The following ABI1 variants were observed in gnomAD, a reference collection of about 807,000 sequenced individuals.
The protein encoded by ABI1 is Abelson interactor 1.
ABI1 carries 14 observed loss-of-function variants against 54.6 expected under a neutral mutation model. The observed-to-expected ratio is 0.26, with a 90% CI of 0.17 to 0.40. The LOEUF (loss-of-function observed/expected upper bound fraction) is 0.40, where lower values mean the gene tolerates loss of function less well. Among genes scored for constraint, ABI1 ranks in the 10% least tolerant of loss-of-function variants. The probability of loss-of-function intolerance (pLI) is 1.00; values close to 1 mark genes in which losing one functional copy is unlikely to be tolerated. For missense variants in ABI1, 443 were observed against 598.3 expected, an observed-to-expected ratio of 0.74 and a Z score of 2.71; for synonymous variants, 194 against 209.3, an observed-to-expected ratio of 0.93 and a Z score of 0.63.
intron 2 of ABI1, among the ~76,000 whole-genome samples, chr10:26,810,982 C>G (rs2047193863): frequency 6.6e-6 from 1 of 151,936 alleles, no homozygotes; most frequent in African/African-American, 2.4e-5. Context: ...GGAAGAAAAC[C>G]TAATGCTATC....
At chr10:26,782,854 C>CA (rs1394986247) in intron 2 of ABI1, among the ~76,000 whole-genome samples, 6 of 152,138 alleles carry the variant, frequency 3.9e-5, no homozygotes, top group African/African-American at 1.2e-4. Context: ...TGGTTACTAT[C>CA]AAAAAAATCA....
intron 1 of ABI1, among the ~76,000 whole-genome samples, chr10:26,847,078 CACATAAT>C (rs1177812456): frequency 6.6e-6 from 1 of 152,148 alleles, no homozygotes; most frequent in African/African-American, 2.4e-5. Context: ...AACAGTCTGA[CACATAAT>C]ACGTGTAAAA....
intron 3 of ABI1, among the ~76,000 whole-genome samples, chr10:26,772,332 G>A (rs1840792474): frequency 6.6e-6 from 1 of 151,826 alleles, no homozygotes; most frequent in Non-Finnish European, 1.5e-5. Flanking sequence ...TACATGTATA[G>A]TATATACTTA....
intron 2 of ABI1, among the ~76,000 whole-genome samples, chr10:26,790,092 T>C (rs1053793227): frequency 6.6e-6 from 1 of 152,228 alleles, no homozygotes; most frequent in East Asian, 1.9e-4. Flanking sequence ...ACAGTGAACA[T>C]ACATGTGCAT....
intron 3 of ABI1, among the ~76,000 whole-genome samples, chr10:26,774,554 T>C (rs928246597): frequency 6.6e-6 from 1 of 152,178 alleles, no homozygotes; most frequent in Non-Finnish European, 1.5e-5. Context: ...TATCTTATTA[T>C]TATTCCCAAA....
intron 1 of ABI1, among the ~76,000 whole-genome samples, chr10:26,835,115 A>C (rs939709744): frequency 3.3e-5 from 5 of 149,374 alleles, no homozygotes; most frequent in South Asian, 2.1e-4. Context: ...AAAAAAAAAA[A>C]CCCACAATGC....
At chr10:26,818,626 C>G (rs1027758122) in intron 2 of ABI1, among the ~76,000 whole-genome samples, 1 of 78,824 alleles carries the variant, frequency 1.3e-5, no homozygotes, top group African/African-American at 8.1e-5. Context: ...AGCGAGACCC[C>G]GTCACAAAAA....
Position 26,747,365 on chromosome 10 carries a change from A to C in ABI1, c.*1205T>G, listed in dbSNP as rs1035061281. 7 of 224,782 alleles carry C rather than the reference A, an allele frequency of 3.1e-5. No individual in the cohort carries two copies. The highest frequency in any genetic ancestry group is 6.2e-5 in the Non-Finnish European group (7 of 112,746). The allele number at this position is 224,782 out of a possible 1,614,324, so 13.9% of individuals were successfully genotyped here. A position where few individuals can be genotyped will look rare whatever the true frequency, so the allele number is the denominator to read the frequency against. ...TTTTGATTATGTCAAAAGACAATCC[A>C]AGTCTGTTGGTTAGGTAAATCTCTG... On this transcript the variant is annotated 3_prime_UTR_variant, in exon 11 of 11. Transcript: ENST00000376140.
intron 2 of ABI1, among the ~76,000 whole-genome samples, chr10:26,805,018 G>A (rs1355048657): frequency 1.3e-5 from 2 of 152,214 alleles, no homozygotes; most frequent in Non-Finnish European, 2.9e-5. Context: ...GCTGATTAGT[G>A]AAGACCTCAG....
chr10:26,777,002 T>A, intron 3 of ABI1, 63 bp downstream of exon 3: 2 of 1,355,094 alleles, frequency 1.5e-6, no homozygotes, highest in Non-Finnish European at 2.0e-6. Flanking sequence ...ATGACAATAT[T>A]TCCTATCCAA....
chr10:26,803,804 C>G (rs1181678548), intron 2 of ABI1, among the ~76,000 whole-genome samples: 1 of 152,116 alleles, frequency 6.6e-6, no homozygotes, highest in Admixed American at 6.6e-5. Flanking sequence ...CAACTCCTTG[C>G]CAGGCCCTAT....
chr10:26,821,248 A>AC (rs1413861729), intron 2 of ABI1, among the ~76,000 whole-genome samples: 1 of 151,154 alleles, frequency 6.6e-6, no homozygotes, highest in African/African-American at 2.4e-5. Flanking sequence ...CCATCTAAAA[A>AC]AAAAAAAAAA....
At chr10:26,830,622 T>C (rs770538780) in intron 1 of ABI1, among the ~76,000 whole-genome samples, 1 of 134,822 alleles carries the variant, frequency 7.4e-6, no homozygotes, top group South Asian at 2.4e-4. Flanking sequence ...CCCTGTCTCC[T>C]TTAAAAAAAA....
rs146498594 is a variant in ABI1, at chr10:26,786,453, C to G, written c.286-9212G>C. On this transcript the variant is annotated intron_variant, in intron 2 of 10. Transcript: ENST00000376140. ...TGGTCTCAAACTCCTGACTTGACTT[C>G]AAGTGATTTGCCCGCCTCGGCCTCC... Among the ~76,000 whole-genome samples, 898 of 152,162 alleles carry G rather than the reference C, an allele frequency of 5.9e-3. 11 individuals are homozygous for G. The highest frequency in any genetic ancestry group is 0.014 in the African/African-American group (597 of 41,514).
At chr10:26,816,503 A>G (rs1284506484) in intron 2 of ABI1, among the ~76,000 whole-genome samples, 1 of 152,252 alleles carries the variant, frequency 6.6e-6, no homozygotes, top group Non-Finnish European at 1.5e-5. Context: ...CAAAGGATAA[A>G]ATGTTGAGAG....
chr10:26,788,664 G>A (rs966465983), intron 2 of ABI1, among the ~76,000 whole-genome samples: 6 of 152,040 alleles, frequency 3.9e-5, no homozygotes, highest in Non-Finnish European at 8.8e-5. Context: ...TGTAATCCCA[G>A]CACTTTGGGA....
At chr10:26,832,769 C>T (rs1331252712) in intron 1 of ABI1, among the ~76,000 whole-genome samples, 2 of 151,988 alleles carry the variant, frequency 1.3e-5, no homozygotes, top group Non-Finnish European at 2.9e-5. Flanking sequence ...CCTGAGAAAC[C>T]TTCCAGGAAG....
intron 1 of ABI1, among the ~76,000 whole-genome samples, chr10:26,851,187 A>G (rs1469834347): frequency 6.6e-6 from 1 of 151,754 alleles, no homozygotes; most frequent in Non-Finnish European, 1.5e-5. Context: ...AGATGGAGGA[A>G]AATGCTTGGT....
intron 2 of ABI1, among the ~76,000 whole-genome samples, chr10:26,779,668 T>C (rs1465799541): frequency 6.6e-6 from 1 of 152,184 alleles, no homozygotes; most frequent in African/African-American, 2.4e-5. Flanking sequence ...ATGTAATGGT[T>C]GTTAAAGAAG....
Sources: allele counts gnomAD v4.1 joint callset (sites outside exome capture counted in the v4.1 genomes callset), GRCh38; gene constraint gnomAD v4.1.1; transcripts MANE v1.5; gene names NCBI Gene and HGNC (gene_info 2026-07-23, HGNC 2026-07-21).